Variants in SERTAD4 observed in about 807,000 individuals in gnomAD.
SERTAD4 encodes the protein SERTA domain-containing protein 4.
SERTAD4 carries 18 observed loss-of-function variants against 32.9 expected under a neutral mutation model. That is an observed-to-expected ratio of 0.55 (90% CI 0.38 to 0.81). The LOEUF (loss-of-function observed/expected upper bound fraction) is 0.81, where lower values mean the gene tolerates loss of function less well. Ranked by LOEUF, SERTAD4 falls within the 30% of genes least tolerant of loss-of-function variation. The pLI is 0.00. For synonymous variants in SERTAD4, 150 were observed against 156.4 expected (o/e 0.96, Z 0.30); for missense variants, 383 against 426.0 (o/e 0.90, Z 0.89).
chr1:210,242,165 AACCTGTGGGAAATG>A lies in SERTAD4; in HGVS notation c.904_917del (p.Val302CysfsTer3). 1.2e-6 allele frequency: 2 copies of A among 1,614,236 alleles called. No homozygotes were observed. Among genetic ancestry groups the A allele is most frequent in the South Asian group, 1.1e-5 (1 of 91,088 alleles). ...AGAGATGGTGGCCCCCTCAGCCACG[AACCTGTGGGAAATG>A]ACCTTGCTTTTGAGTGCAAAGGCCA... On this transcript the variant is annotated frameshift_variant, in exon 4 of 4. Coordinates refer to ENST00000367012, the MANE Select transcript of SERTAD4 (RefSeq NM_019605.5). LOFTEE classifies it high-confidence loss of function. This position sits in a 1 kb window ranked among gnomAD's most constrained non-coding sequence, Gnocchi z 4.0.
chr1:210,233,554 C>T (rs1312261634), intron 1 of SERTAD4: 2 of 403,230 alleles, frequency 5.0e-6, no homozygotes, highest in Non-Finnish European at 9.8e-6. Flanking sequence ...TTCTGTCCCC[C>T]GCCACCTCCG....
chr1:210,246,065 C>A lies in SERTAD4; in HGVS notation c.*3728C>A, dbSNP rs948733009. On this transcript the variant is annotated 3_prime_UTR_variant, in exon 4 of 4. Transcript: ENST00000367012. The stretch of plus-strand genomic sequence containing the variant: ...TTTACTAGATTTTTTCAGAGACAAG[C>A]ATTCAGCATGGCATTAGTAATGATG... The A allele has an allele frequency of 2.7e-5, 8 of 300,974 alleles. No individual in the cohort carries two copies. The highest frequency in any genetic ancestry group is 1.8e-4 in the African/African-American group (8 of 44,052). The allele number at this position is 300,974 out of a possible 1,614,324, so 18.6% of individuals were successfully genotyped here. A position where few individuals can be genotyped will look rare whatever the true frequency, so the allele number is the denominator to read the frequency against.
rs915468104 is a variant in SERTAD4 at position 210,243,074 on chromosome 1, A to G, written c.*737A>G. ...ATTAAGGATAAATCAGAGTTACAGC[A>G]GGGATTTAACAAACAGGACAAAAAA... is the stretch of plus-strand genomic sequence containing the variant. On this transcript the variant is annotated 3_prime_UTR_variant, in exon 4 of 4. Coordinates refer to ENST00000367012, the MANE Select transcript of SERTAD4 (RefSeq NM_019605.5). 9.9e-6 allele frequency: 2 copies of G among 202,870 alleles called. No individual in the cohort carries two copies. The highest frequency in any genetic ancestry group is 7.4e-6 in the Non-Finnish European group (1 of 135,418). The allele number at this position is 202,870 out of a possible 1,614,324, so 12.6% of individuals were successfully genotyped here. A position where few individuals can be genotyped will look rare whatever the true frequency, so the allele number is the denominator to read the frequency against.
intron 1 of SERTAD4, among the ~76,000 whole-genome samples, chr1:210,236,066 C>G (rs2083937855): frequency 6.6e-6 from 1 of 152,118 alleles, no homozygotes; most frequent in African/African-American, 2.4e-5. Flanking sequence ...GAGAGTCTTC[C>G]AGGGAATAAA....
At position 210,242,279 on chromosome 1, in the gene SERTAD4, A is replaced by T. The variant is rs2084006398; in HGVS notation, c.1013A>T (p.Lys338Ile). The T allele has an allele frequency of 2.3e-5, 37 of 1,608,960 alleles. No homozygotes were observed. The highest frequency in any genetic ancestry group is 3.1e-5 in the Non-Finnish European group (37 of 1,178,590). Residue 338 changes from lysine (K) to isoleucine (I), a missense_variant, in exon 4 of 4, where the codon AAA becomes ATA. By Grantham distance (102) the Lys-to-Ile change is moderately radical. Around this residue, in one of 3 missense-constraint regions of SERTAD4, gnomAD observed 180 missense variants for 190.6 expected, o/e 0.94. Coordinates refer to ENST00000367012, the MANE Select transcript of SERTAD4 (RefSeq NM_019605.5). This position sits in a 1 kb window ranked among gnomAD's most constrained non-coding sequence, Gnocchi z 4.0. ...VNESWKKSLR[K>I]KEASPPSNKL... is the part of the protein sequence containing the mutation. ...GAATCTTGGAAAAAGTCCTTACGGA[A>T]AAAGGAGGCTTCACCACCAAGTAAC...
chr1:210,237,920 T>A, intron 1 of SERTAD4, 24 bp from the exon 2 acceptor site: 1 of 1,524,844 alleles, frequency 6.6e-7, no homozygotes. Flanking sequence ...TCTTCATTCT[T>A]GTTTTTTTTT....
At chr1:210,233,452 T>A (rs1043769904) in intron 1 of SERTAD4, among the ~76,000 whole-genome samples, 1 of 152,112 alleles carries the variant, frequency 6.6e-6, no homozygotes, top group Non-Finnish European at 1.5e-5. Flanking sequence ...CAGGTCCGGA[T>A]GCCGCGGCGC....
At chr1:210,234,366 C>A (rs372180505) in intron 1 of SERTAD4, among the ~76,000 whole-genome samples, 1 of 152,244 alleles carries the variant, frequency 6.6e-6, no homozygotes, top group Non-Finnish European at 1.5e-5. Context: ...GGCCCAGCAC[C>A]TGCAGCCCCA....
At position 210,242,291 on chromosome 1, in the gene SERTAD4, C is replaced by G. The variant is rs200530843; in HGVS notation, c.1025C>G (p.Ser342Ter). The change falls in exon 4 of 4, where the codon TCA becomes TGA. Residue 342 changes from serine to a stop codon, truncating the protein, a stop_gained. Transcript: ENST00000367012. LOFTEE classifies it high-confidence loss of function. This position sits in a 1 kb window ranked among gnomAD's most constrained non-coding sequence, Gnocchi z 4.0. The stretch of plus-strand genomic sequence containing the variant: ...AAGTCCTTACGGAAAAAGGAGGCTT[C>G]ACCACCAAGTAACAAACTGTGCTGC... ...WKKSLRKKEA[S>*]PPSNKLCCSK... 1.2e-6 allele frequency: 2 copies of G among 1,605,140 alleles called. No homozygotes were observed. The highest frequency in any genetic ancestry group is 2.7e-5 in the African/African-American group (2 of 74,292).
chr1:210,242,085 T>C lies in SERTAD4; in HGVS notation c.819T>C (p.Leu273=), dbSNP rs1362814621. The change falls in exon 4 of 4, where the codon CTT becomes CTC. Residue 273 remains leucine (L), a synonymous_variant. Coordinates refer to ENST00000367012, the MANE Select transcript of SERTAD4 (RefSeq NM_019605.5). This position sits in a 1 kb window ranked among gnomAD's most constrained non-coding sequence, Gnocchi z 4.0. ...NEIFVTNVRS[L]GVQEKAKLND... The stretch of plus-strand genomic sequence containing the variant: ...TCTTTGTCACTAATGTCAGATCACT[T>C]GGTGTTCAGGAAAAGGCCAAATTAA... 5 of 1,614,192 alleles carry C rather than the reference T, an allele frequency of 3.1e-6. 1 individual carries two copies. The highest frequency in any genetic ancestry group is 3.4e-6 in the Non-Finnish European group (4 of 1,180,032).
In SERTAD4 at chr1:210,238,002, T is replaced by G. The variant is rs201525417; in HGVS notation, c.42T>G (p.Ile14Met). ...CCATGAATAGATTCTGCGAGCCCAT[T>G]GTCTCGGAAGGAGCTGCTGAAATTG... Reference protein sequence around the residue: ...VLSMNRFCEPIVSEGAAEIAG... With the variant: ...VLSMNRFCEPMVSEGAAEIAG... The change falls in exon 2 of 4, where the codon ATT becomes ATG. Residue 14 changes from isoleucine to methionine, a missense_variant. Coordinates refer to ENST00000367012, the MANE Select transcript of SERTAD4 (RefSeq NM_019605.5). The G allele has an allele frequency of 2.5e-6, 4 of 1,613,996 alleles. No homozygotes were observed. The highest frequency in any genetic ancestry group is 3.4e-6 in the Non-Finnish European group (4 of 1,179,960).
intron 1 of SERTAD4, among the ~76,000 whole-genome samples, chr1:210,236,883 C>T (rs2083945165): frequency 1.3e-5 from 2 of 152,168 alleles, no homozygotes; most frequent in Admixed American, 6.5e-5. Flanking sequence ...ATCAGACTCT[C>T]CTCTCCCTTG....
rs1021926313 is a variant in SERTAD4, at chr1:210,245,361, C to T, written c.*3024C>T. On this transcript the variant is annotated 3_prime_UTR_variant, in exon 4 of 4. Coordinates refer to ENST00000367012, the MANE Select transcript of SERTAD4 (RefSeq NM_019605.5). ...TGCATATCATTAATGAAATCATTAACCTTTGTCTCTGGTCCTTCCTTTCTA... is the reference window on the plus strand; with the variant it reads ...TGCATATCATTAATGAAATCATTAATCTTTGTCTCTGGTCCTTCCTTTCTA... 32 of 152,168 alleles carry T rather than the reference C, an allele frequency of 2.1e-4. No homozygotes were observed. Among genetic ancestry groups the T allele is most frequent in the African/African-American group, 7.2e-4 (30 of 41,446 alleles). 9.4% of individuals were successfully genotyped at this position (152,168 alleles called of 1,614,324 possible).
At position 210,241,939 on chromosome 1, in the gene SERTAD4, T is replaced by G; in HGVS notation, c.673T>G (p.Ser225Ala). Residue 225 changes from serine to alanine, a missense_variant, in exon 4 of 4, where the codon TCC becomes GCC. Physicochemically the swap from Ser to Ala is moderately conservative, Grantham distance 99 (BLOSUM62 1). Around this residue, in one of 3 missense-constraint regions of SERTAD4, gnomAD observed 180 missense variants for 190.6 expected, o/e 0.94. Coordinates refer to ENST00000367012, the MANE Select transcript of SERTAD4 (RefSeq NM_019605.5). ...TGCCTCCTCTCCCTCCGCCTCTTCT[T>G]CCTCCTCATCTTCCTCTTCCTCTCC... is the stretch of plus-strand genomic sequence containing the variant. ...TAASSPSASSSSSSSSSSPPL... is the reference protein window; with the variant it reads ...TAASSPSASSASSSSSSSPPL... 1 of 1,614,118 alleles carries G rather than the reference T, an allele frequency of 6.2e-7. No homozygotes were observed. The highest frequency in any genetic ancestry group is 8.5e-7 in the Non-Finnish European group (1 of 1,179,990).
rs915483127 is a variant in SERTAD4, at chr1:210,243,255, T to TGA, written c.*928_*929dup. 2.0e-6 allele frequency: 1 copy of TGA among 496,488 alleles called. No individual in the cohort carries two copies. Among genetic ancestry groups the TGA allele is most frequent in the Non-Finnish European group, 2.6e-6 (1 of 384,840 alleles). 30.8% of individuals were successfully genotyped at this position (496,488 alleles called of 1,614,324 possible). The stretch of plus-strand genomic sequence containing the variant: ...GTTTTTTCAATAGGGATGGAGGAAA[T>TGA]GAGAGAGAGAGCTGTTAGAAAGCAG... On this transcript the variant is annotated 3_prime_UTR_variant, in exon 4 of 4. Coordinates refer to ENST00000367012, the MANE Select transcript of SERTAD4 (RefSeq NM_019605.5).
chr1:210,243,058 A>G lies in SERTAD4; in HGVS notation c.*721A>G. 1.0e-6 allele frequency: 1 copy of G among 980,992 alleles called. No homozygotes were observed. Among genetic ancestry groups the G allele is most frequent in the Non-Finnish European group, 1.2e-6 (1 of 827,770 alleles). The allele number at this position is 980,992 out of a possible 1,614,324, so 60.8% of individuals were successfully genotyped here. Reference sequence around the variant, plus strand: ...TTTTGCCAATGTGAAAATTAAGGATAAATCAGAGTTACAGCAGGGATTTAA... The same window carrying G: ...TTTTGCCAATGTGAAAATTAAGGATGAATCAGAGTTACAGCAGGGATTTAA... On this transcript the variant is annotated 3_prime_UTR_variant, in exon 4 of 4. Coordinates refer to ENST00000367012, the MANE Select transcript of SERTAD4 (RefSeq NM_019605.5).
At position 210,232,825 on chromosome 1, in the gene SERTAD4, CGCAGCGCCCCAGTCGCGGCGGCGGG is replaced by C. The variant is rs1026386301; in HGVS notation, c.-203_-179del. The C allele has an allele frequency of 6.6e-6, 1 of 150,710 alleles. No homozygotes were observed. The highest frequency in any genetic ancestry group is 1.5e-5 in the Non-Finnish European group (1 of 67,438). The allele number at this position is 150,710 out of a possible 1,614,324, so 9.3% of individuals were successfully genotyped here. ...CCATAACCGTCTGCAGCGACGGCGGCGCAGCGCCCCAGTCGCGGCGGCGGGACCTGCCGGGACCCTTGCCCGCCGC... is the reference window on the plus strand; with the variant it reads ...CCATAACCGTCTGCAGCGACGGCGGCACCTGCCGGGACCCTTGCCCGCCGC... On this transcript the variant is annotated 5_prime_UTR_variant, in exon 1 of 4. Coordinates refer to ENST00000367012, the MANE Select transcript of SERTAD4 (RefSeq NM_019605.5).
At position 210,242,236 on chromosome 1, in the gene SERTAD4, G is replaced by C; in HGVS notation, c.970G>C (p.Glu324Gln). 6.2e-7 allele frequency: 1 copy of C among 1,613,898 alleles called. No homozygotes were observed. Among genetic ancestry groups the C allele is most frequent in the African/African-American group, 1.3e-5 (1 of 75,000 alleles). Reference sequence around the variant, plus strand: ...TGATTATTTTGAGACCGGATATAATGAAAGAAACAATGTAAATGAATCTTG... The same window carrying C: ...TGATTATTTTGAGACCGGATATAATCAAAGAAACAATGTAAATGAATCTTG... Reference protein sequence around the residue: ...FYDYFETGYNERNNVNESWKK... With the variant: ...FYDYFETGYNQRNNVNESWKK... Residue 324 changes from glutamate (E) to glutamine (Q), a missense_variant, in exon 4 of 4, where the codon GAA becomes CAA. By Grantham distance (29) the Glu-to-Gln change is conservative (BLOSUM62 2). Coordinates refer to ENST00000367012, the MANE Select transcript of SERTAD4 (RefSeq NM_019605.5). The surrounding 1 kb of genome is among the most constrained non-coding windows in gnomAD (Gnocchi z 4.0).
chr1:210,234,336 G>A (rs1000638866), intron 1 of SERTAD4, among the ~76,000 whole-genome samples: 2 of 152,242 alleles, frequency 1.3e-5, no homozygotes, highest in African/African-American at 4.8e-5. Flanking sequence ...GGGCATCGGA[G>A]CACCCCTTCG....
Sources: gnomAD v4.1 joint callset for allele counts (sites outside exome capture counted in the v4.1 genomes callset) on GRCh38, gnomAD v4.1.1 for gene constraint, gnomAD v4.1.1 regional missense constraint, Gnocchi (gnomAD v3.1) non-coding constraint, MANE v1.5 for transcripts, NCBI Gene and HGNC (gene_info 2026-07-23, HGNC 2026-07-21) for gene names.